Variants in CNGA3 observed in about 807,000 individuals in gnomAD.
The protein encoded by CNGA3 is cyclic nucleotide-gated channel alpha-3.
CNGA3 carries 42 observed loss-of-function variants against 46.6 expected under a neutral mutation model. That is an observed-to-expected ratio of 0.90 (90% CI 0.70 to 1.17). The LOEUF (loss-of-function observed/expected upper bound fraction) is 1.17, where lower values mean the gene tolerates loss of function less well. Ranked by LOEUF, CNGA3 falls within the 50% of genes most tolerant of loss-of-function variation. The probability of loss-of-function intolerance (pLI) is 0.00; values close to 1 mark genes in which losing one functional copy is unlikely to be tolerated. For synonymous variants in CNGA3, 394 were observed against 369.4 expected, an observed-to-expected ratio of 1.07 and a Z score of -0.76; for missense variants, 893 against 890.7, an observed-to-expected ratio of 1.00 and a Z score of -0.03.
At chr2:98,385,331 G>A (rs1400299751) in intron 5 of CNGA3, among the ~76,000 whole-genome samples, 1 of 152,198 alleles carries the variant, frequency 6.6e-6, no homozygotes, top group Non-Finnish European at 1.5e-5. Flanking sequence ...GAGGACAGAG[G>A]AGGGGTAACT....
intron 1 of CNGA3, among the ~76,000 whole-genome samples, chr2:98,369,582 G>T (rs1200942543): frequency 6.6e-6 from 1 of 152,206 alleles, no homozygotes; most frequent in Non-Finnish European, 1.5e-5. Flanking sequence ...GAAAACCAGG[G>T]TCAAGAGGGA....
Position 98,383,429 on chromosome 2 carries a change from A to G in CNGA3, c.437A>G (p.Asn146Ser). ...LAKCNTNTSN[N>S]TEEEKKTKKK... ...AAATGCAACACTAACACCAGCAACA[A>G]CACGGAGGAGGAGTAAGTACCCACA... Residue 146 changes from asparagine to serine, a missense_variant, in exon 5 of 8, where the codon AAC (asparagine) becomes AGC (serine). Physicochemically the swap from Asn to Ser is conservative, Grantham distance 46. This residue lies in a region of CNGA3 where 333 missense variants were observed against 290.8 expected (regional missense o/e 1.15). Transcript: ENST00000272602. 5 of 1,614,144 alleles carry G rather than the reference A, an allele frequency of 3.1e-6. No homozygotes were observed. In the South Asian group the frequency reaches 5.5e-5, roughly 18 times the overall value.
chr2:98,387,090 T>C (rs1478397477), intron 5 of CNGA3, among the ~76,000 whole-genome samples: 2 of 152,206 alleles, frequency 1.3e-5, no homozygotes, highest in Non-Finnish European at 2.9e-5. Context: ...GTAAACTCTT[T>C]TGTAGTCTGC....
At chr2:98,378,495 A>G (rs1692464137) in intron 3 of CNGA3, among the ~76,000 whole-genome samples, 2 of 152,206 alleles carry the variant, frequency 1.3e-5, no homozygotes. Flanking sequence ...CCAATGCCAG[A>G]GTCTTACATA....
At chr2:98,389,613 A>C in intron 5 of CNGA3, 45 bp from the exon 6 acceptor site, 1 of 1,548,766 alleles carries the variant, frequency 6.5e-7, no homozygotes, top group Non-Finnish European at 8.9e-7. Flanking sequence ...CCAAAGCTAC[A>C]GTCTTGGAGC....
intron 2 of CNGA3, among the ~76,000 whole-genome samples, chr2:98,376,702 G>C (rs189610147): frequency 7.9e-5 from 12 of 152,254 alleles, no homozygotes; most frequent in Admixed American, 2.0e-4. Flanking sequence ...TTGTTAAGAA[G>C]GCTAATTGGG....
At chr2:98,364,885 G>C (rs930078750) in intron 1 of CNGA3, among the ~76,000 whole-genome samples, 1 of 152,178 alleles carries the variant, frequency 6.6e-6, no homozygotes. Context: ...AGTTTGGCCA[G>C]ATAGGAAATT....
Position 98,396,273 on chromosome 2 carries a change from A to G in CNGA3, c.1103A>G (p.Glu368Gly). ...WSTLTLTTIG[E>G]TPPPVKDEEY... is the part of the protein sequence containing the mutation. ...ACCTTGACCCTTACCACCATTGGTG[A>G]GACCCCACCCCCCGTGAAAGATGAG... is the stretch of plus-strand genomic sequence containing the variant. Residue 368 changes from glutamate (E) to glycine (G), a missense_variant, in exon 8 of 8, where the codon GAG becomes GGG. Physicochemically the swap from Glu to Gly is moderately conservative, Grantham distance 98. Around this residue, in one of 3 missense-constraint regions of CNGA3, gnomAD observed 548 missense variants for 570.8 expected, o/e 0.96. Transcript: ENST00000272602. The G allele has an allele frequency of 6.2e-7, 1 of 1,611,694 alleles. No individual in the cohort carries two copies. Among genetic ancestry groups the G allele is most frequent in the Non-Finnish European group, 8.5e-7 (1 of 1,178,172 alleles).
chr2:98,380,493 T>C (rs760933367), intron 4 of CNGA3, 139 bp downstream of exon 4: 309 of 1,144,850 alleles, frequency 2.7e-4, no homozygotes, highest in Non-Finnish European at 3.8e-4. Flanking sequence ...GAAGAAAGTG[T>C]TTGCCCTTGG....
intron 3 of CNGA3, among the ~76,000 whole-genome samples, chr2:98,378,893 C>G (rs1203275682): frequency 6.6e-6 from 1 of 152,202 alleles, no homozygotes; most frequent in Non-Finnish European, 1.5e-5. Flanking sequence ...TCTGCATGTC[C>G]CCTCCATTCT....
intron 2 of CNGA3, among the ~76,000 whole-genome samples, chr2:98,371,734 G>A (rs1421499838): frequency 2.6e-5 from 4 of 152,146 alleles, no homozygotes; most frequent in Admixed American, 2.6e-4. Context: ...TTATTTAAAA[G>A]AACAAAGAAC....
chr2:98,383,525 A>T (rs1692583912), intron 5 of CNGA3, 84 bp downstream of exon 5: 5 of 1,290,208 alleles, frequency 3.9e-6, no homozygotes, highest in Non-Finnish European at 5.6e-6. Context: ...CTCTCTCCTT[A>T]GTGCTCCTGC....
chr2:98,378,334 T>A, intron 3 of CNGA3: 1 of 1,078,626 alleles, frequency 9.3e-7, no homozygotes, highest in Non-Finnish European at 1.3e-6. Context: ...CCTGAGGAAG[T>A]CATTTCACCT....
chr2:98,353,072 A>G (rs774119376), intron 1 of CNGA3, among the ~76,000 whole-genome samples: 4 of 152,184 alleles, frequency 2.6e-5, no homozygotes, highest in Non-Finnish European at 4.4e-5. Flanking sequence ...TGTAAGTTCT[A>G]TGTATTACAG....
At chr2:98,384,140 C>T (rs542502960) in intron 5 of CNGA3, among the ~76,000 whole-genome samples, 1 of 152,270 alleles carries the variant, frequency 6.6e-6, no homozygotes, top group African/African-American at 2.4e-5. Flanking sequence ...CCACCCGCCT[C>T]GGCCTCCAAA....
intron 2 of CNGA3, among the ~76,000 whole-genome samples, chr2:98,372,765 G>A (rs368200312): frequency 3.3e-5 from 5 of 152,010 alleles, no homozygotes; most frequent in East Asian, 1.9e-4. Flanking sequence ...TCCCACTCCC[G>A]GTCTTGGAAA....
rs115298032 is a variant in CNGA3 at position 98,374,701 on chromosome 2, A to G, written c.102-2986A>G. ...AATCAGTTTCTGGGAGAAGTAATTAATGAAGTTTACTATGTAAACACCCCC... is the reference window on the plus strand; with the variant it reads ...AATCAGTTTCTGGGAGAAGTAATTAGTGAAGTTTACTATGTAAACACCCCC... On this transcript the variant is annotated intron_variant, in intron 2 of 7. Transcript: ENST00000272602. Among the ~76,000 whole-genome samples the G allele has an allele frequency of 9.3e-3, 1,416 of 152,330 alleles. 17 individuals are homozygous for G. The highest frequency in any genetic ancestry group is 0.035 in the South Asian group (167 of 4,826).
chr2:98,352,670 A>T (rs1285702836), intron 1 of CNGA3, among the ~76,000 whole-genome samples: 2 of 152,152 alleles, frequency 1.3e-5, no homozygotes, highest in Non-Finnish European at 2.9e-5. Context: ...GGTAAAGCAG[A>T]TTGCCCTCCC....
At chr2:98,395,128 T>C (rs1033121487) in intron 7 of CNGA3, among the ~76,000 whole-genome samples, 2 of 152,100 alleles carry the variant, frequency 1.3e-5, no homozygotes, top group Non-Finnish European at 2.9e-5. Flanking sequence ...CCTTCAACCT[T>C]GATAAAAATA....
Sources: allele counts gnomAD v4.1 joint callset (sites outside exome capture counted in the v4.1 genomes callset), GRCh38; gene constraint gnomAD v4.1.1; regional missense constraint gnomAD v4.1.1; transcripts MANE v1.5; gene names NCBI Gene and HGNC (gene_info 2026-07-23, HGNC 2026-07-21).